Variants in NRP2 observed in about 807,000 individuals in gnomAD.
NRP2 encodes the protein neuropilin-2.
NRP2 carries 52 observed loss-of-function variants against 110.4 expected under a neutral mutation model. That is an observed-to-expected ratio of 0.47 (90% CI 0.38 to 0.59). The LOEUF is 0.59. Among genes scored for constraint, NRP2 ranks in the 20% least tolerant of loss-of-function variants. The pLI is 0.00. For missense variants in NRP2, 1,049 were observed against 1,203.0 expected (o/e 0.87, Z 1.89); for synonymous variants, 508 against 468.9 (o/e 1.08, Z -1.08).
At chr2:205,734,043 G>A (rs956337462) in intron 7 of NRP2, among the ~76,000 whole-genome samples, 1 of 152,048 alleles carries the variant, frequency 6.6e-6, no homozygotes, top group African/African-American at 2.4e-5. Flanking sequence ...GCTGCCTGAT[G>A]ACAAAAACAG....
intron 3 of NRP2, among the ~76,000 whole-genome samples, chr2:205,720,670 T>C (rs1270301507): frequency 6.6e-6 from 1 of 152,212 alleles, no homozygotes; most frequent in Non-Finnish European, 1.5e-5. Flanking sequence ...TCTAACCTTT[T>C]CAAAATTCCT....
chr2:205,794,890 C>T lies in NRP2; in HGVS notation c.2613C>T (p.Gly871=), dbSNP rs780371148. Residue 871 remains glycine (G), a synonymous_variant, in exon 17 of 17, where the codon GGC becomes GGT. Coordinates refer to ENST00000357785, the MANE Select transcript of NRP2 (RefSeq NM_003872.3). ...CCATCATCGCCATGAGCTCACTGGG[C>T]GTCCTCCTGGGGGCCACCTGTGCAG... is the stretch of plus-strand genomic sequence containing the variant. ...LITIIAMSSL[G]VLLGATCAGL... 26 of 1,614,042 alleles carry T rather than the reference C, an allele frequency of 1.6e-5. No homozygotes were observed. The Admixed American group carries it at 2.2e-4, about 13-fold the overall frequency.
chr2:205,719,497 A>G (rs1362110278), intron 3 of NRP2, among the ~76,000 whole-genome samples: 2 of 151,998 alleles, frequency 1.3e-5, no homozygotes, highest in African/African-American at 4.8e-5. Flanking sequence ...AGGAATTTTT[A>G]AACGTAAAAT....
chr2:205,722,166 C>CTG (rs2057029034), intron 3 of NRP2: 3 of 347,656 alleles, frequency 8.6e-6, no homozygotes, highest in Non-Finnish European at 1.6e-5. Context: ...CTCTCTCTCT[C>CTG]TCTCATACAC....
At chr2:205,757,499 A>G (rs2057752865) in intron 12 of NRP2, among the ~76,000 whole-genome samples, 1 of 152,196 alleles carries the variant, frequency 6.6e-6, no homozygotes, top group South Asian at 2.1e-4. Flanking sequence ...GAGAAATCAG[A>G]GGAAATAACT....
At chr2:205,788,960 T>C (rs2058267444) in intron 15 of NRP2, among the ~76,000 whole-genome samples, 1 of 152,186 alleles carries the variant, frequency 6.6e-6, no homozygotes, top group Non-Finnish European at 1.5e-5. Context: ...GTAATTTAGT[T>C]TCCTGCTCTG....
At chr2:205,714,881 G>C (rs1194680589) in intron 2 of NRP2, among the ~76,000 whole-genome samples, 1 of 152,142 alleles carries the variant, frequency 6.6e-6, no homozygotes, top group Non-Finnish European at 1.5e-5. Context: ...GGCCTCCCCA[G>C]CTCACACCAG....
Position 205,794,645 on chromosome 2 carries a change from G to A in NRP2, c.2477-109G>A, listed in dbSNP as rs1023625750. ...ACCCAGGCAGTCTAATTCCAGAGCT[G>A]CTGCTGCTAACTACTGTGCTCTGAA... is the stretch of plus-strand genomic sequence containing the variant. On this transcript the variant is annotated intron_variant, in intron 16 of 16. Coordinates refer to ENST00000357785, the MANE Select transcript of NRP2 (RefSeq NM_003872.3). 23 of 1,133,086 alleles carry A rather than the reference G, an allele frequency of 2.0e-5. No individual in the cohort carries two copies. In the Admixed American group the frequency reaches 3.6e-4, roughly 18 times the overall value. The allele number at this position is 1,133,086 out of a possible 1,614,324, so 70.2% of individuals were successfully genotyped here.
chr2:205,792,163 A>T (rs1007387569), intron 15 of NRP2, 72 bp from the exon 16 acceptor site: 3 of 1,002,292 alleles, frequency 3.0e-6, no homozygotes, highest in Non-Finnish European at 4.8e-6. Context: ...TCTCGTAAAG[A>T]TTGCCTCCCT....
chr2:205,794,916 G>A lies in NRP2; in HGVS notation c.2639G>A (p.Gly880Asp), dbSNP rs1204792345. 1.2e-6 allele frequency: 2 copies of A among 1,614,126 alleles called. No individual in the cohort carries two copies. Among genetic ancestry groups the A allele is most frequent in the Admixed American group, 1.7e-5 (1 of 60,020 alleles). Reference protein sequence around the residue: ...LGVLLGATCAGLLLYCTCSYS... With the variant: ...LGVLLGATCADLLLYCTCSYS... ...GTCCTCCTGGGGGCCACCTGTGCAG[G>A]CCTCCTGCTCTACTGCACCTGTTCC... Residue 880 changes from glycine to aspartate, a missense_variant, in exon 17 of 17, where the codon GGC becomes GAC. Gly to Asp is a moderately conservative substitution (Grantham distance 94). Transcript: ENST00000357785.
chr2:205,696,490 T>A (rs2056429799), intron 1 of NRP2, among the ~76,000 whole-genome samples: 1 of 152,214 alleles, frequency 6.6e-6, no homozygotes, highest in African/African-American at 2.4e-5. Flanking sequence ...CCAGCTTCTG[T>A]TCTACTGTGG....
intron 15 of NRP2, chr2:205,776,403 T>C (rs200392784): frequency 6.2e-7 from 1 of 1,613,522 alleles, no homozygotes; most frequent in East Asian, 2.2e-5. Flanking sequence ...GGTTCCGCTA[T>C]GCGGCCAAGA....
At position 205,739,130 on chromosome 2, in the gene NRP2, A is replaced by G. The variant is rs184582501; in HGVS notation, c.1147-1389A>G. 1.8e-4 allele frequency among the ~76,000 whole-genome samples: 27 copies of G among 152,322 alleles called. No individual in the cohort carries two copies. In the East Asian group the frequency reaches 4.8e-3, roughly 27 times the overall value. On this transcript the variant is annotated intron_variant, in intron 7 of 16. Transcript: ENST00000357785. ...GATTATAAACTCACACTGGAAACAC[A>G]TCACTGGACAGTGACTCTACCTCCA...
At position 205,743,295 on chromosome 2, in the gene NRP2, C is replaced by A; in HGVS notation, c.1384C>A (p.Pro462Thr). 1.2e-6 allele frequency: 2 copies of A among 1,614,156 alleles called. No homozygotes were observed. Among genetic ancestry groups the A allele is most frequent in the South Asian group, 2.2e-5 (2 of 91,078 alleles). ...TTCCACCCAGGAATACCTCTGGAGC[C>A]CCAGTGCAGCCCGCCTGGTTAGCAG... ...ASSTQEYLWSPSAARLVSSRS... is the reference protein window; with the variant it reads ...ASSTQEYLWSTSAARLVSSRS... Residue 462 changes from proline (P) to threonine (T), a missense_variant, in exon 9 of 17, where the codon CCC (proline) becomes ACC (threonine). Pro to Thr is a conservative substitution (Grantham distance 38, BLOSUM62 -1). Coordinates refer to ENST00000357785, the MANE Select transcript of NRP2 (RefSeq NM_003872.3).
chr2:205,780,383 G>T (rs1335173559), intron 15 of NRP2, among the ~76,000 whole-genome samples: 1 of 152,196 alleles, frequency 6.6e-6, no homozygotes, highest in Non-Finnish European at 1.5e-5. Flanking sequence ...AACTTACTCA[G>T]AAGGCCAGGT....
At chr2:205,737,075 A>G (rs1229466064) in intron 7 of NRP2, among the ~76,000 whole-genome samples, 2 of 152,262 alleles carry the variant, frequency 1.3e-5, no homozygotes, top group Non-Finnish European at 2.9e-5. Context: ...ATCTTTGGGC[A>G]AAAGACAATA....
rs2057671324 is a variant in NRP2, at chr2:205,752,844, T to C, written c.1913T>C (p.Leu638Ser). Residue 638 changes from leucine (L) to serine (S), a missense_variant, in exon 12 of 17, where the codon TTG (leucine) becomes TCG (serine). Physicochemically the swap from Leu to Ser is moderately radical, Grantham distance 145 (BLOSUM62 -2). Transcript: ENST00000357785. ...ENCSFEDDKDLQLPSGFNCNF... is the reference protein window; with the variant it reads ...ENCSFEDDKDSQLPSGFNCNF... ...TGTTTTCCCCTTTTAGACAAAGATT[T>C]GCAGCTCCCTTCGGGATTCAATTGC... The C allele has an allele frequency of 3.7e-6, 6 of 1,614,214 alleles. No individual in the cohort carries two copies. Among genetic ancestry groups the C allele is most frequent in the Non-Finnish European group, 5.1e-6 (6 of 1,180,028 alleles).
chr2:205,726,131 G>A (rs1157132376), intron 6 of NRP2, 49 bp downstream of exon 6: 5 of 1,590,238 alleles, frequency 3.1e-6, no homozygotes, highest in Middle Eastern at 1.7e-4. Context: ...GTATTGCTGG[G>A]GTAGGAGGGT....
intron 9 of NRP2, 55 bp from the exon 10 acceptor site, chr2:205,745,691 G>A (rs2057525119): frequency 1.9e-6 from 3 of 1,609,996 alleles, no homozygotes; most frequent in South Asian, 1.1e-5. Context: ...AAGGGAAGAA[G>A]GTGATAGGGA....
Sources: gnomAD v4.1 joint callset for allele counts (sites outside exome capture counted in the v4.1 genomes callset) on GRCh38, gnomAD v4.1.1 for gene constraint, MANE v1.5 for transcripts, NCBI Gene and HGNC (gene_info 2026-07-23, HGNC 2026-07-21) for gene names.